The following PLEKHD1 variants were observed in gnomAD, a reference collection of about 807,000 sequenced individuals.
The protein encoded by PLEKHD1 is pleckstrin homology and coiled-coil domain containing D1.
Under a neutral mutation model 69.2 loss-of-function variants are expected in PLEKHD1, and 51 were observed. The ratio of observed to expected loss-of-function variants is 0.74; its 90% CI spans 0.59 to 0.93. The LOEUF is 0.93. PLEKHD1 is among the 40% of genes least tolerant of loss of function. The probability of loss-of-function intolerance (pLI) is 0.00; values close to 1 mark genes in which losing one functional copy is unlikely to be tolerated. For synonymous variants in PLEKHD1, 236 were observed against 244.7 expected, an observed-to-expected ratio of 0.96 and a Z score of 0.33; for missense variants, 584 against 641.0, an observed-to-expected ratio of 0.91 and a Z score of 0.96.
intron 6 of PLEKHD1, among the ~76,000 whole-genome samples, chr14:69,515,019 G>A (rs7150235): frequency 0.012 from 1,893 of 152,186 alleles, 39 homozygotes; most frequent in African/African-American, 0.043. Flanking sequence ...GTGACATGGC[G>A]AAATCCCGTC....
chr14:69,494,393 G>A (rs1882842090), intron 1 of PLEKHD1, among the ~76,000 whole-genome samples: 1 of 152,176 alleles, frequency 6.6e-6, no homozygotes, highest in South Asian at 2.1e-4. Flanking sequence ...GCTGGATGGA[G>A]CAGCTCCTTA....
upstream of PLEKHD1, among the ~76,000 whole-genome samples, chr14:69,482,628 C>T (rs745567754): frequency 5.9e-5 from 9 of 152,300 alleles, no homozygotes; most frequent in Middle Eastern, 3.4e-3. Context: ...ACCCAAGGCA[C>T]GTCAGATGCA....
rs142243739 is a variant in PLEKHD1, at chr14:69,527,127, G to A, written c.1057-61G>A. On this transcript the variant is annotated intron_variant, in intron 10 of 12. Transcript: ENST00000322564. Reference sequence around the variant, plus strand: ...AGGGGTGACCAAGGAAGGCTTCCAGGGAAGATGGCAGCTACTTCCAGGACC... The same window carrying A: ...AGGGGTGACCAAGGAAGGCTTCCAGAGAAGATGGCAGCTACTTCCAGGACC... 142 of 1,475,034 alleles carry A rather than the reference G, an allele frequency of 9.6e-5. No homozygotes were observed. In the African/African-American group the frequency reaches 1.8e-3, roughly 19 times the overall value. The allele number at this position is 1,475,034 out of a possible 1,614,324, so 91.4% of individuals were successfully genotyped here.
At chr14:69,469,194 A>AG in the PLEKHD1 span, among the ~76,000 whole-genome samples, 4 of 151,966 alleles carry the variant, frequency 2.6e-5, no homozygotes, top group South Asian at 2.1e-4. Context: ...AGAGAGAGAG[A>AG]GAGGAGGATG....
chr14:69,528,010 G>A, intron 12 of PLEKHD1, 78 bp downstream of exon 12: 1 of 1,542,048 alleles, frequency 6.5e-7, no homozygotes. Context: ...CAGAAGGGTT[G>A]GCCCAGCTCT....
At chr14:69,482,036 A>G (rs1182858296), upstream of PLEKHD1, among the ~76,000 whole-genome samples, 1 of 152,216 alleles carries the variant, frequency 6.6e-6, no homozygotes, top group Admixed American at 6.5e-5. Flanking sequence ...GTCAAGGGGA[A>G]CAGAAACCAC....
At chr14:69,527,995 G>C in intron 12 of PLEKHD1, 63 bp downstream of exon 12, 1 of 1,546,408 alleles carries the variant, frequency 6.5e-7, no homozygotes, top group Non-Finnish European at 8.7e-7. Flanking sequence ...GGCAACATGG[G>C]GAGCCAGAAG....
At position 69,528,300 on chromosome 14, in the gene PLEKHD1, GA is replaced by G; in HGVS notation, c.1403del (p.Glu468GlyfsTer3). The G allele has an allele frequency of 6.4e-7, 1 of 1,551,756 alleles. No homozygotes were observed. Among genetic ancestry groups the G allele is most frequent in the Non-Finnish European group, 8.7e-7 (1 of 1,147,004 alleles). ...MTSQLDANNMEELKEVAKRLS... is the reference protein window; with the variant it reads ...MTSQLDANNMXELKEVAKRLS... ...CTCCCAGCTGGATGCCAACAACATG[GA>G]GGAGCTAAAGGAGGTGGCCAAGCGG... On this transcript the variant is annotated frameshift_variant, in exon 13 of 13. Coordinates refer to ENST00000322564, the MANE Select transcript of PLEKHD1 (RefSeq NM_001161498.2). LOFTEE classifies it high-confidence loss of function.
At position 69,527,234 on chromosome 14, in the gene PLEKHD1, C is replaced by G. The variant is rs911567734; in HGVS notation, c.1103C>G (p.Ala368Gly). The G allele has an allele frequency of 7.7e-6, 12 of 1,551,512 alleles. No individual in the cohort carries two copies. The Admixed American group carries it at 2.2e-4, about 28-fold the overall frequency. The change falls in exon 11 of 13, where the codon GCA becomes GGA. Residue 368 changes from alanine (A) to glycine (G), a missense_variant. Ala to Gly is a moderately conservative substitution (Grantham distance 60). Transcript: ENST00000322564. ...GACCTGGAGAGGCGTCTCCGGGAGG[C>G]AGAAGGGGCCTTGCGAAGCCTGGAA... ...RMDLERRLRE[A>G]EGALRSLEQG...
At chr14:69,516,531 A>G (rs1883387749) in intron 6 of PLEKHD1, among the ~76,000 whole-genome samples, 1 of 152,182 alleles carries the variant, frequency 6.6e-6, no homozygotes, top group Admixed American at 6.5e-5. Flanking sequence ...GAAAACATCA[A>G]TTTTAATGGC....
the PLEKHD1 span, among the ~76,000 whole-genome samples, chr14:69,471,544 G>T: frequency 6.6e-6 from 1 of 152,190 alleles, no homozygotes; most frequent in Non-Finnish European, 1.5e-5. Flanking sequence ...CAAACCAAGA[G>T]AGAGTAGCTC....
chr14:69,513,219 AAAAAT>A lies in PLEKHD1; in HGVS notation c.556-9041_556-9037del, dbSNP rs534420298. ...GGGTGGCAGAGGAAGACTCCATCTC[AAAAAT>A]AAAATAAAATAAAATAAAATAATAA... On this transcript the variant is annotated intron_variant, in intron 6 of 12. Transcript: ENST00000322564. Among the ~76,000 whole-genome samples, 213 of 151,416 alleles carry A rather than the reference AAAAAT, an allele frequency of 1.4e-3. 4 individuals are homozygous for A. In the East Asian group the frequency reaches 0.027, roughly 19 times the overall value.
At chr14:69,523,806 A>T (rs1883575987) in intron 7 of PLEKHD1, among the ~76,000 whole-genome samples, 1 of 152,180 alleles carries the variant, frequency 6.6e-6, no homozygotes, top group Admixed American at 6.5e-5. Context: ...GCCTAAGGTG[A>T]CTGAAGCTTG....
At chr14:69,504,237 T>A (rs1883102244) in intron 6 of PLEKHD1, among the ~76,000 whole-genome samples, 1 of 152,238 alleles carries the variant, frequency 6.6e-6, no homozygotes, top group Admixed American at 6.5e-5. Flanking sequence ...GTGAACTGTC[T>A]GAGGCCTGAA....
At chr14:69,526,972 G>T in intron 10 of PLEKHD1, 143 bp downstream of exon 10, 1 of 1,304,284 alleles carries the variant, frequency 7.7e-7, no homozygotes. Context: ...GCCACCACGA[G>T]GGGAAGCAGC....
At chr14:69,508,543 T>C (rs1883202765) in intron 6 of PLEKHD1, among the ~76,000 whole-genome samples, 1 of 152,192 alleles carries the variant, frequency 6.6e-6, no homozygotes, top group South Asian at 2.1e-4. Flanking sequence ...GCCTCCCAAG[T>C]AGCTGGGACT....
the PLEKHD1 span, among the ~76,000 whole-genome samples, chr14:69,473,748 G>A: frequency 6.6e-6 from 1 of 152,232 alleles, no homozygotes; most frequent in Non-Finnish European, 1.5e-5. Context: ...AGGGAGCCCA[G>A]TGGAGAAGGG....
Position 69,522,380 on chromosome 14 carries a change from G to T in PLEKHD1, c.650+3G>T, listed in dbSNP as rs904819932. 1.6e-5 allele frequency: 25 copies of T among 1,551,242 alleles called. No individual in the cohort carries two copies. The highest frequency in any genetic ancestry group is 2.1e-5 in the Non-Finnish European group (24 of 1,146,844). ...ATGGAGCAGGAGCAGATCAAGAGGT[G>T]GTGGTGGTGCCTGGGAATTGGGGGT... On this transcript the variant is annotated splice_donor_region_variant and intron_variant, in intron 7 of 12. Transcript: ENST00000322564.
At chr14:69,506,579 T>C (rs1014160831) in intron 6 of PLEKHD1, among the ~76,000 whole-genome samples, 1 of 152,230 alleles carries the variant, frequency 6.6e-6, no homozygotes, top group African/African-American at 2.4e-5. Context: ...ACTTTATTTT[T>C]TGGAGCAGTT....
Sources: allele counts gnomAD v4.1 joint callset (sites outside exome capture counted in the v4.1 genomes callset), GRCh38; gene constraint gnomAD v4.1.1; transcripts MANE v1.5; gene names NCBI Gene and HGNC (gene_info 2026-07-23, HGNC 2026-07-21).